Variants in SGMS1 observed in about 807,000 individuals in gnomAD.
The protein encoded by SGMS1 is phosphatidylcholine:ceramide cholinephosphotransferase 1.
A neutral mutation model predicts 46.2 loss-of-function variants in SGMS1; 13 were observed. The ratio of observed to expected loss-of-function variants is 0.28; its 90% CI spans 0.18 to 0.45. The LOEUF (loss-of-function observed/expected upper bound fraction) is 0.45. Among genes scored for constraint, SGMS1 ranks in the 20% least tolerant of loss-of-function variants. SGMS1 has a pLI of 1.00. For missense variants in SGMS1, 324 were observed against 519.9 expected (o/e 0.62, Z 3.66); for synonymous variants, 203 against 187.8 (o/e 1.08, Z -0.66).
At chr10:50,510,501 T>C (rs761367278) in intron 3 of SGMS1, among the ~76,000 whole-genome samples, 5 of 152,202 alleles carry the variant, frequency 3.3e-5, no homozygotes, top group Non-Finnish European at 5.9e-5. Context: ...ACCAGCAATG[T>C]AGGAGAGTTC....
intron 6 of SGMS1, among the ~76,000 whole-genome samples, chr10:50,429,404 G>A (rs1464134827): frequency 6.6e-6 from 1 of 152,166 alleles, no homozygotes; most frequent in African/African-American, 2.4e-5. Flanking sequence ...TAGGTTTGTA[G>A]TAGGCTACAC....
intron 2 of SGMS1, among the ~76,000 whole-genome samples, chr10:50,538,845 A>G (rs1469286998): frequency 6.6e-6 from 1 of 152,238 alleles, no homozygotes; most frequent in Non-Finnish European, 1.5e-5. Flanking sequence ...TGATAAGAAC[A>G]GGAGATGGAG....
rs764429701 is a variant in SGMS1 at position 50,327,238 on chromosome 10, T to C, written c.708A>G (p.Pro236=). The C allele has an allele frequency of 5.6e-6, 9 of 1,603,882 alleles. No homozygotes were observed. Among genetic ancestry groups the C allele is most frequent in the Non-Finnish European group, 7.7e-6 (9 of 1,172,386 alleles). Residue 236 remains proline, a synonymous_variant, in exon 8 of 11, where the codon CCA becomes CCG. Transcript: ENST00000361781. ...AACAGTTGAAATGCATACCAGGTAC[T>C]GGGAGTGTAGTTACATACATTGTAA... ...RCITMYVTTL[P]VPGMHFNCSP... is the part of the protein sequence containing the mutation.
At chr10:50,414,917 T>A (rs1417709675) in intron 6 of SGMS1, among the ~76,000 whole-genome samples, 1 of 152,228 alleles carries the variant, frequency 6.6e-6, no homozygotes, top group Admixed American at 6.5e-5. Context: ...CATTCATCTA[T>A]ACCGCTATCC....
chr10:50,442,166 T>A (rs1286753743), intron 5 of SGMS1, among the ~76,000 whole-genome samples: 1 of 149,828 alleles, frequency 6.7e-6, no homozygotes, highest in Non-Finnish European at 1.5e-5. Flanking sequence ...TCAATAATAC[T>A]GACTTTTTCT....
intron 8 of SGMS1, among the ~76,000 whole-genome samples, 195 bp downstream of exon 8, chr10:50,327,010 G>C (rs1847543005): frequency 1.5e-5 from 1 of 68,262 alleles, no homozygotes; most frequent in Non-Finnish European, 2.7e-5. Flanking sequence ...CATTTCCCCA[G>C]TTGGGAGGCA....
intron 2 of SGMS1, among the ~76,000 whole-genome samples, chr10:50,526,805 G>A (rs562116803): frequency 1.4e-4 from 21 of 152,142 alleles, no homozygotes; most frequent in African/African-American, 4.6e-4. Context: ...GGTGGCTCAC[G>A]CCTGTAATCA....
chr10:50,409,153 A>T (rs898108109), intron 6 of SGMS1, among the ~76,000 whole-genome samples: 4 of 152,088 alleles, frequency 2.6e-5, no homozygotes, highest in Non-Finnish European at 5.9e-5. Context: ...TATGGGGTAC[A>T]TGTGATAGTT....
chr10:50,466,039 G>C (rs547559701), intron 4 of SGMS1, among the ~76,000 whole-genome samples: 1 of 152,144 alleles, frequency 6.6e-6, no homozygotes, highest in Admixed American at 6.5e-5. Flanking sequence ...TAAGGGTAAA[G>C]GGTGGTCTAT....
chr10:50,335,763 C>T (rs1307812118), intron 7 of SGMS1: 1 of 152,198 alleles, frequency 6.6e-6, no homozygotes, highest in Non-Finnish European at 1.5e-5. Flanking sequence ...TACACATGTA[C>T]ACAGAGTACT....
chr10:50,362,848 C>G (rs899624673), intron 6 of SGMS1, among the ~76,000 whole-genome samples: 2 of 152,066 alleles, frequency 1.3e-5, no homozygotes, highest in Admixed American at 1.3e-4. Context: ...CGGAGAAACC[C>G]TAGGTTCTCT....
chr10:50,395,852 G>C (rs11005502), intron 6 of SGMS1, among the ~76,000 whole-genome samples: 5,215 of 152,160 alleles, frequency 0.034, 138 homozygotes, highest in Non-Finnish European at 0.046. Context: ...GGAAAGACAA[G>C]AAATGGCACA....
intron 2 of SGMS1, among the ~76,000 whole-genome samples, chr10:50,587,526 G>A (rs981708967): frequency 2.6e-5 from 4 of 152,052 alleles, no homozygotes; most frequent in Non-Finnish European, 4.4e-5. Flanking sequence ...CCAGCTACTC[G>A]GGAGGAAGAA....
intron 3 of SGMS1, among the ~76,000 whole-genome samples, chr10:50,484,715 T>G (rs983257271): frequency 2.5e-4 from 38 of 152,180 alleles, no homozygotes; most frequent in Admixed American, 1.6e-3. Context: ...GCTGGCTTCA[T>G]CCCTGGAATG....
At chr10:50,400,812 A>G (rs1478557829) in intron 6 of SGMS1, among the ~76,000 whole-genome samples, 1 of 152,156 alleles carries the variant, frequency 6.6e-6, no homozygotes, top group African/African-American at 2.4e-5. Flanking sequence ...TCAGGCAATA[A>G]TGAAAGTCTG....
intron 1 of SGMS1, among the ~76,000 whole-genome samples, chr10:50,613,640 T>C (rs908547296): frequency 2.6e-5 from 4 of 152,316 alleles, no homozygotes; most frequent in Non-Finnish European, 4.4e-5. Context: ...TCCTGATAAC[T>C]AGCACAGAGA....
chr10:50,621,341 A>C (rs1838848159), intron 1 of SGMS1, among the ~76,000 whole-genome samples: 2 of 152,218 alleles, frequency 1.3e-5, no homozygotes, highest in Non-Finnish European at 2.9e-5. Flanking sequence ...TAAAAGAATC[A>C]AGTTTTCAAG....
At chr10:50,485,433 G>C (rs538792443) in intron 3 of SGMS1, among the ~76,000 whole-genome samples, 2 of 152,310 alleles carry the variant, frequency 1.3e-5, no homozygotes, top group African/African-American at 4.8e-5. Context: ...CATGCTCATG[G>C]ATAGGAAGAA....
chr10:50,510,086 CAT>C (rs1372649979), intron 3 of SGMS1, among the ~76,000 whole-genome samples: 3 of 152,274 alleles, frequency 2.0e-5, no homozygotes, highest in Non-Finnish European at 4.4e-5. Flanking sequence ...TCCTGGCAGT[CAT>C]GATCTATTTT....
Sources: gnomAD v4.1 joint callset for allele counts (sites outside exome capture counted in the v4.1 genomes callset) on GRCh38, gnomAD v4.1.1 for gene constraint, MANE v1.5 for transcripts, NCBI Gene and HGNC (gene_info 2026-07-23, HGNC 2026-07-21) for gene names.